RPS6KA2: variants seen among roughly 807,000 people sequenced by gnomAD.
RPS6KA2 encodes the protein ribosomal protein S6 kinase A2.
RPS6KA2 carries 42 observed loss-of-function variants against 91.8 expected under a neutral mutation model. That is an observed-to-expected ratio of 0.46 (90% CI 0.36 to 0.59). The LOEUF (loss-of-function observed/expected upper bound fraction) is 0.59, where lower values mean the gene tolerates loss of function less well. Ranked by LOEUF, RPS6KA2 falls within the 20% of genes least tolerant of loss-of-function variation. RPS6KA2 has a pLI of 0.00. For missense variants in RPS6KA2, 798 were observed against 978.5 expected, an observed-to-expected ratio of 0.82 and a Z score of 2.46; for synonymous variants, 414 against 393.6, an observed-to-expected ratio of 1.05 and a Z score of -0.61.
At chr6:166,809,125 A>G (rs1037635716) in intron 2 of RPS6KA2, among the ~76,000 whole-genome samples, 1 of 152,214 alleles carries the variant, frequency 6.6e-6, no homozygotes, top group African/African-American at 2.4e-5. Context: ...GATGAATTTT[A>G]TATCGGTGGT....
chr6:166,565,893 A>G lies in RPS6KA2; in HGVS notation c.100-27109T>C, dbSNP rs553720516. On this transcript the variant is annotated intron_variant, in intron 1 of 20. Coordinates refer to ENST00000265678, the MANE Select transcript of RPS6KA2 (RefSeq NM_021135.6). ...AGACACTACGCCTAGGAGCTACTGC[A>G]GCCAGCACTGCCAGGCAGCGACATC... is the stretch of plus-strand genomic sequence containing the variant. Among the ~76,000 whole-genome samples, 274 of 152,366 alleles carry G rather than the reference A, an allele frequency of 1.8e-3. 1 individual carries two copies. Among genetic ancestry groups the G allele is most frequent in the African/African-American group, 6.3e-3 (262 of 41,584 alleles).
At chr6:166,572,647 A>T (rs1370224305) in intron 1 of RPS6KA2, among the ~76,000 whole-genome samples, 1 of 152,208 alleles carries the variant, frequency 6.6e-6, no homozygotes, top group Non-Finnish European at 1.5e-5. Context: ...CACTGGTCAT[A>T]TGGCCTGGGG....
chr6:166,552,180 A>G (rs1784041048), intron 1 of RPS6KA2, among the ~76,000 whole-genome samples: 1 of 152,212 alleles, frequency 6.6e-6, no homozygotes, highest in South Asian at 2.1e-4. Context: ...ATACAGTCTC[A>G]ATTCTCAATT....
Position 166,726,157 on chromosome 6 carries a change from T to C in RPS6KA2, c.123+132043A>G, listed in dbSNP as rs1790332493. ...TTTTTTTTTTTTTAGTTTAAAATCT[T>C]ACTTCACATAACTACTTTGATAAAT... On this transcript the variant is annotated intron_variant, in intron 2 of 21. Coordinates refer to the RPS6KA2 transcript ENST00000503859. This position sits in a 1 kb window ranked among gnomAD's most constrained non-coding sequence, Gnocchi z 4.4. 6.6e-6 allele frequency among the ~76,000 whole-genome samples: 1 copy of C among 152,112 alleles called. No individual in the cohort carries two copies. The highest frequency in any genetic ancestry group is 2.4e-5 in the African/African-American group (1 of 41,380).
At chr6:166,745,856 A>G (rs527790424) in intron 2 of RPS6KA2, among the ~76,000 whole-genome samples, 2 of 152,342 alleles carry the variant, frequency 1.3e-5, no homozygotes, top group East Asian at 3.9e-4. Context: ...GTTAGAATCC[A>G]TCGTCTCTAC....
chr6:166,822,254 T>G (rs778329205), intron 2 of RPS6KA2, among the ~76,000 whole-genome samples: 2 of 152,240 alleles, frequency 1.3e-5, no homozygotes, highest in Non-Finnish European at 2.9e-5. Flanking sequence ...CGCCTCAGAA[T>G]GTGCCTGTGT....
intron 14 of RPS6KA2, among the ~76,000 whole-genome samples, chr6:166,439,425 T>G (rs1400677904): frequency 6.6e-6 from 1 of 152,204 alleles, no homozygotes; most frequent in Non-Finnish European, 1.5e-5. Context: ...TTTCTTTTAA[T>G]CAACACTTAG....
At chr6:166,584,921 C>T (rs1785121603) in intron 1 of RPS6KA2, among the ~76,000 whole-genome samples, 1 of 152,154 alleles carries the variant, frequency 6.6e-6, no homozygotes, top group South Asian at 2.1e-4. Flanking sequence ...CAATCTGGAC[C>T]TATTTTAAGA....
chr6:166,413,019 G>GGGA, intron 20 of RPS6KA2, 132 bp from the exon 21 acceptor site: 2 of 1,000,524 alleles, frequency 2.0e-6, no homozygotes, highest in Non-Finnish European at 2.8e-6. Context: ...AGGGTCCCTG[G>GGGA]AGCATGGAGT....
At chr6:166,788,286 C>T (rs1025582798) in intron 2 of RPS6KA2, among the ~76,000 whole-genome samples, 1 of 152,160 alleles carries the variant, frequency 6.6e-6, no homozygotes, top group Non-Finnish European at 1.5e-5. Context: ...GGCGATTCCT[C>T]AAGGATCTAG....
At chr6:166,708,513 A>C (rs1238862223) in intron 2 of RPS6KA2, among the ~76,000 whole-genome samples, 1 of 152,238 alleles carries the variant, frequency 6.6e-6, no homozygotes, top group Non-Finnish European at 1.5e-5. Flanking sequence ...GATGTTAAAA[A>C]TAATTTCAGT....
At chr6:166,807,803 C>A (rs78767734) in intron 2 of RPS6KA2, among the ~76,000 whole-genome samples, 1,757 of 152,182 alleles carry the variant, frequency 0.012, 38 homozygotes, top group African/African-American at 0.041. Context: ...AGTCTTCATT[C>A]GTAAGGCCTT....
intron 19 of RPS6KA2, among the ~76,000 whole-genome samples, chr6:166,416,689 A>C (rs1778542640): frequency 1.6e-5 from 2 of 127,806 alleles, no homozygotes; most frequent in African/African-American, 5.8e-5. Flanking sequence ...TCCCACCATT[A>C]CCTCCACCAT....
At chr6:166,728,155 G>A (rs931104057) in intron 2 of RPS6KA2, among the ~76,000 whole-genome samples, 2 of 152,220 alleles carry the variant, frequency 1.3e-5, no homozygotes, top group Admixed American at 6.5e-5. Context: ...GACTTGAGCA[G>A]TGCAAATTTT....
chr6:166,619,345 G>A (rs1401483033), intron 1 of RPS6KA2, among the ~76,000 whole-genome samples: 1 of 152,240 alleles, frequency 6.6e-6, no homozygotes, highest in Non-Finnish European at 1.5e-5. Context: ...AGTCAAAGGT[G>A]TTCTAAAAAT....
At chr6:166,472,621 A>G (rs540993544) in intron 10 of RPS6KA2, among the ~76,000 whole-genome samples, 1 of 152,304 alleles carries the variant, frequency 6.6e-6, no homozygotes, top group East Asian at 1.9e-4. Flanking sequence ...CAACCCTCCC[A>G]GGGCAGTCAG....
At chr6:166,748,309 C>T (rs1036573694) in intron 2 of RPS6KA2, among the ~76,000 whole-genome samples, 17 of 152,068 alleles carry the variant, frequency 1.1e-4, no homozygotes, top group Admixed American at 5.2e-4. Context: ...CCACCACCTC[C>T]CCAGGCAGGA....
chr6:166,423,109 G>GT lies in RPS6KA2; in HGVS notation c.1743+146_1743+147insA. The GT allele has an allele frequency of 1.4e-6, 1 of 713,378 alleles. No homozygotes were observed. The highest frequency in any genetic ancestry group is 2.2e-6 in the Non-Finnish European group (1 of 449,754). 44.2% of individuals were successfully genotyped at this position (713,378 alleles called of 1,614,324 possible). A position where few individuals can be genotyped will look rare whatever the true frequency, so the allele number is the denominator to read the frequency against. ...TTGGCCCCTGGCTCAAGAGACTGAA[G>GT]GTTCTCGTTTCTGTTTCCCAACACC... On this transcript the variant is annotated intron_variant, in intron 17 of 20. Transcript: ENST00000265678. This position sits in a 1 kb window ranked among gnomAD's most constrained non-coding sequence, Gnocchi z 4.8.
Position 166,445,770 on chromosome 6 carries a change from G to A in RPS6KA2, c.1332+2954C>T, listed in dbSNP as rs963450153. Among the ~76,000 whole-genome samples the A allele has an allele frequency of 6.6e-5, 10 of 152,308 alleles. No homozygotes were observed. In the East Asian group the frequency reaches 9.7e-4, roughly 15 times the overall value. Reference sequence around the variant, plus strand: ...CGGGACTGCTTCTGAAGCAGACCCCGTTTGTATCCATGAGCCAGGGGTAGG... The same window carrying A: ...CGGGACTGCTTCTGAAGCAGACCCCATTTGTATCCATGAGCCAGGGGTAGG... On this transcript the variant is annotated intron_variant, in intron 14 of 20. Transcript: ENST00000265678. This position sits in a 1 kb window ranked among gnomAD's most constrained non-coding sequence, Gnocchi z 4.5.
Sources: allele counts gnomAD v4.1 joint callset (sites outside exome capture counted in the v4.1 genomes callset), GRCh38; gene constraint gnomAD v4.1.1; non-coding constraint Gnocchi (gnomAD v3.1); transcripts MANE v1.5; gene names NCBI Gene and HGNC (gene_info 2026-07-23, HGNC 2026-07-21).